PAM: variants seen among roughly 807,000 people sequenced by gnomAD.
PAM encodes the protein peptidylglycine alpha-amidating monooxygenase.
PAM carries 72 observed loss-of-function variants against 122.1 expected under a neutral mutation model. The ratio of observed to expected loss-of-function variants is 0.59; its 90% CI spans 0.49 to 0.72. The LOEUF (loss-of-function observed/expected upper bound fraction) is 0.72. Ranked by LOEUF, PAM falls within the 30% of genes least tolerant of loss-of-function variation. PAM has a pLI of 0.00. For synonymous variants in PAM, 389 were observed against 404.4 expected (o/e 0.96, Z 0.46); for missense variants, 1,106 against 1,183.7 (o/e 0.93, Z 0.96).
At chr5:102,806,254 G>A (rs1356799204) in intron 1 of PAM, among the ~76,000 whole-genome samples, 1 of 152,132 alleles carries the variant, frequency 6.6e-6, no homozygotes, top group African/African-American at 2.4e-5. Flanking sequence ...AAATAGTCTG[G>A]CTAGCCTGTT....
At chr5:102,879,944 G>A (rs1290711803) in intron 3 of PAM, among the ~76,000 whole-genome samples, 1 of 152,090 alleles carries the variant, frequency 6.6e-6, no homozygotes, top group Non-Finnish European at 1.5e-5. Context: ...CACAATGACA[G>A]TACTGCCTGA....
intron 15 of PAM, among the ~76,000 whole-genome samples, chr5:102,976,524 T>A (rs1195548914): frequency 6.6e-6 from 1 of 151,636 alleles, no homozygotes; most frequent in Non-Finnish European, 1.5e-5. Context: ...TGATGGATAA[T>A]TTTCCATTGT....
chr5:102,965,197 A>ACC, intron 14 of PAM, among the ~76,000 whole-genome samples: 1 of 150,178 alleles, frequency 6.7e-6, no homozygotes, highest in East Asian at 2.0e-4. Flanking sequence ...ACACACACAC[A>ACC]CCTCACATAT....
At chr5:102,889,713 G>T (rs1794206839) in intron 3 of PAM, among the ~76,000 whole-genome samples, 1 of 151,892 alleles carries the variant, frequency 6.6e-6, no homozygotes, top group South Asian at 2.1e-4. Flanking sequence ...GCATGATCTT[G>T]TTAGGGGAAA....
rs1018195609 is a variant in PAM at position 102,872,233 on chromosome 5, C to T, written c.210+4840C>T. ...AGCAGCCTATCCCTGTGTATCTAAGCACATATATCTATTGCCAGGAATCAG... is the reference window on the plus strand; with the variant it reads ...AGCAGCCTATCCCTGTGTATCTAAGTACATATATCTATTGCCAGGAATCAG... On this transcript the variant is annotated intron_variant, in intron 3 of 25. Transcript: ENST00000438793. Among the ~76,000 whole-genome samples, 5 of 152,244 alleles carry T rather than the reference C, an allele frequency of 3.3e-5. No homozygotes were observed. In the South Asian group the frequency reaches 1.0e-3, roughly 32 times the overall value.
Position 103,021,855 on chromosome 5 carries a change from A to G in PAM, c.2485+2012A>G, listed in dbSNP as rs151021217. 9.3e-4 allele frequency among the ~76,000 whole-genome samples: 142 copies of G among 152,288 alleles called. 1 individual carries two copies. The highest frequency in any genetic ancestry group is 3.3e-3 in the African/African-American group (139 of 41,574). On this transcript the variant is annotated intron_variant, in intron 23 of 25. Coordinates refer to ENST00000438793, the MANE Select transcript of PAM (RefSeq NM_001177306.2). ...ACAATTTCAGACTTAATAGCCTTGT[A>G]GTTACATGTTAATTTTTAATCCCCA...
intron 1 of PAM, among the ~76,000 whole-genome samples, chr5:102,784,939 T>C (rs1435449936): frequency 6.6e-6 from 1 of 152,226 alleles, no homozygotes; most frequent in Non-Finnish European, 1.5e-5. Context: ...CTCCATACTT[T>C]AGGAAATCAG....
chr5:102,792,017 A>G (rs1206263727), intron 1 of PAM, among the ~76,000 whole-genome samples: 1 of 152,206 alleles, frequency 6.6e-6, no homozygotes, highest in Non-Finnish European at 1.5e-5. Context: ...AAGGGTGAAC[A>G]TAAAAAATGG....
At chr5:102,867,763 AGTTT>A (rs1786064688) in intron 3 of PAM, among the ~76,000 whole-genome samples, 1 of 152,224 alleles carries the variant, frequency 6.6e-6, no homozygotes, top group Non-Finnish European at 1.5e-5. Flanking sequence ...CATTTAAGCT[AGTTT>A]GTTTAAATAT....
At chr5:102,873,535 G>A (rs975181883) in intron 3 of PAM, 1 of 152,358 alleles carries the variant, frequency 6.6e-6, no homozygotes, top group Non-Finnish European at 1.5e-5. Context: ...ACCTTCCCTA[G>A]TGCTGTGATC....
intron 3 of PAM, chr5:102,873,887 A>C (rs980054897): frequency 3.9e-5 from 6 of 152,180 alleles, no homozygotes; most frequent in Middle Eastern, 3.2e-3. Flanking sequence ...TTTCAGAGAA[A>C]ATAAAACTAG....
chr5:102,783,897 C>A (rs920489462), intron 1 of PAM, among the ~76,000 whole-genome samples: 1 of 151,648 alleles, frequency 6.6e-6, no homozygotes, highest in African/African-American at 2.4e-5. Context: ...CATGATCTAC[C>A]CCCATCTTTT....
intron 16 of PAM, among the ~76,000 whole-genome samples, chr5:102,996,476 T>C (rs1765516431): frequency 6.6e-6 from 1 of 152,210 alleles, no homozygotes; most frequent in South Asian, 2.1e-4. Flanking sequence ...GGGTTACCTT[T>C]CTTTGAATTA....
chr5:102,907,829 G>T (rs1018301888), intron 4 of PAM, among the ~76,000 whole-genome samples: 13 of 151,830 alleles, frequency 8.6e-5, no homozygotes, highest in East Asian at 5.9e-4. Flanking sequence ...GTTTGTTTTT[G>T]TCTTGTAAAT....
intron 1 of PAM, among the ~76,000 whole-genome samples, chr5:102,788,861 T>G (rs563958800): frequency 1.3e-5 from 2 of 152,264 alleles, no homozygotes; most frequent in African/African-American, 4.8e-5. Flanking sequence ...AAAATACATA[T>G]GTGTCATCTG....
intron 1 of PAM, among the ~76,000 whole-genome samples, chr5:102,804,216 C>CT (rs1267202870): frequency 2.0e-5 from 3 of 152,146 alleles, no homozygotes; most frequent in African/African-American, 7.2e-5. Flanking sequence ...GAAATGTGCA[C>CT]TTGATTTAGC....
chr5:103,028,814 A>G lies in PAM; in HGVS notation c.2744-73A>G, dbSNP rs1785741214. ...CCCATCCCCACCTTCTGACTTTATC[A>G]TTTAAGAATTTACAAGGTAACAGAC... On this transcript the variant is annotated intron_variant, in intron 25 of 25. Coordinates refer to ENST00000438793, the MANE Select transcript of PAM (RefSeq NM_001177306.2). 3.1e-6 allele frequency: 3 copies of G among 966,618 alleles called. No individual in the cohort carries two copies. In the East Asian group the frequency reaches 7.4e-5, roughly 24 times the overall value. The allele number at this position is 966,618 out of a possible 1,614,324, so 59.9% of individuals were successfully genotyped here.
chr5:102,968,911 A>T (rs937744064), intron 14 of PAM, among the ~76,000 whole-genome samples: 1 of 152,198 alleles, frequency 6.6e-6, no homozygotes, highest in African/African-American at 2.4e-5. Context: ...ATGCAGCCAT[A>T]AAAAAGGATG....
chr5:102,789,133 A>C (rs1161305810), intron 1 of PAM, among the ~76,000 whole-genome samples: 2 of 152,126 alleles, frequency 1.3e-5, no homozygotes, highest in African/African-American at 4.8e-5. Context: ...TTTTAAAAGC[A>C]TGTGGTGAAA....
Sources: allele counts gnomAD v4.1 joint callset (sites outside exome capture counted in the v4.1 genomes callset), GRCh38; gene constraint gnomAD v4.1.1; transcripts MANE v1.5; gene names NCBI Gene and HGNC (gene_info 2026-07-23, HGNC 2026-07-21).